SUPT3H: variants seen among roughly 807,000 people sequenced by gnomAD.
SUPT3H encodes SPT3 homolog, SAGA and STAGA complex component, also known as transcription initiation protein SPT3 homolog.
A neutral mutation model predicts 44.3 loss-of-function variants in SUPT3H; 44 were observed. That is an observed-to-expected ratio of 0.99 (90% CI 0.78 to 1.28). The LOEUF (loss-of-function observed/expected upper bound fraction) is 1.28, where lower values mean the gene tolerates loss of function less well. Ranked by LOEUF, SUPT3H falls within the 50% of genes most tolerant of loss-of-function variation. The probability of loss-of-function intolerance (pLI) is 0.00; values close to 1 mark genes in which losing one functional copy is unlikely to be tolerated. For synonymous variants in SUPT3H, 124 were observed against 125.6 expected (o/e 0.99, Z 0.09); for missense variants, 380 against 387.1 (o/e 0.98, Z 0.15).
At chr6:45,368,984 T>C (rs1368842458) in intron 1 of SUPT3H, among the ~76,000 whole-genome samples, 3 of 146,856 alleles carry the variant, frequency 2.0e-5, no homozygotes, top group Non-Finnish European at 4.5e-5. Flanking sequence ...TAATACCAAA[T>C]GGTCAATCAC....
chr6:45,294,094 A>G (rs1168812579), intron 2 of SUPT3H, among the ~76,000 whole-genome samples: 1 of 152,222 alleles, frequency 6.6e-6, no homozygotes, highest in Non-Finnish European at 1.5e-5. Context: ...TTAACAAAAT[A>G]CTTGCTAACC....
intron 2 of SUPT3H, among the ~76,000 whole-genome samples, chr6:45,114,091 A>C (rs1354521519): frequency 2.6e-5 from 4 of 151,972 alleles, no homozygotes; most frequent in African/African-American, 9.7e-5. Context: ...TGACGTAAAA[A>C]AATACAAATA....
chr6:44,997,831 T>C (rs1347541782), intron 6 of SUPT3H, among the ~76,000 whole-genome samples: 1 of 151,838 alleles, frequency 6.6e-6, no homozygotes, highest in Non-Finnish European at 1.5e-5. Context: ...TTTATTAAGA[T>C]TTTCTAAAAA....
intron 10 of SUPT3H, among the ~76,000 whole-genome samples, chr6:44,896,501 G>T (rs1054155663): frequency 1.3e-5 from 2 of 152,118 alleles, no homozygotes; most frequent in South Asian, 2.1e-4. Context: ...TATTCCACAG[G>T]GTTGTTGTGA....
At chr6:45,321,611 A>G (rs965263119) in intron 2 of SUPT3H, among the ~76,000 whole-genome samples, 1 of 152,120 alleles carries the variant, frequency 6.6e-6, no homozygotes, top group African/African-American at 2.4e-5. Flanking sequence ...CAAATATCCT[A>G]AAAGTGAACT....
intron 2 of SUPT3H, among the ~76,000 whole-genome samples, chr6:45,290,378 G>A (rs184795536): frequency 6.8e-6 from 1 of 148,074 alleles, no homozygotes; most frequent in East Asian, 2.1e-4. Flanking sequence ...TACATTTGTA[G>A]TACTCCAGTC....
rs80087171 is a variant in SUPT3H, at chr6:45,073,060, C to T, written c.186+32862G>A. On this transcript the variant is annotated intron_variant, in intron 3 of 10. Transcript: ENST00000371459. Reference sequence around the variant, plus strand: ...TGAATTTGAAAGAAATGACTTTCTCCGTTAAAGTCTATTTCTCATCTCTTA... The same window carrying T: ...TGAATTTGAAAGAAATGACTTTCTCTGTTAAAGTCTATTTCTCATCTCTTA... 0.012 allele frequency among the ~76,000 whole-genome samples: 1,842 copies of T among 152,152 alleles called. 98 individuals carry two copies. In the East Asian group the frequency reaches 0.13, roughly 11 times the overall value.
chr6:45,309,200 C>T (rs1194036287), intron 2 of SUPT3H, among the ~76,000 whole-genome samples: 1 of 146,772 alleles, frequency 6.8e-6, no homozygotes, highest in Admixed American at 6.8e-5. Flanking sequence ...CAGTGCCTGA[C>T]CACAAAGAAA....
At chr6:44,938,149 G>T (rs202111632) in intron 9 of SUPT3H, among the ~76,000 whole-genome samples, 1 of 150,908 alleles carries the variant, frequency 6.6e-6, no homozygotes, top group Non-Finnish European at 1.5e-5. Context: ...TCTTCACCTA[G>T]ACCAATGTCC....
chr6:44,862,561 C>T (rs1238435325), intron 10 of SUPT3H, among the ~76,000 whole-genome samples: 1 of 151,524 alleles, frequency 6.6e-6, no homozygotes, highest in Non-Finnish European at 1.5e-5. Context: ...CCTGTAACCC[C>T]AGCTACTTGG....
At chr6:45,076,562 A>G (rs1380488346) in intron 3 of SUPT3H, among the ~76,000 whole-genome samples, 4 of 152,078 alleles carry the variant, frequency 2.6e-5, no homozygotes, top group African/African-American at 7.2e-5. Context: ...AGGCTCTTCC[A>G]AACTTTAGTC....
At chr6:45,325,638 A>G (rs1786225744) in intron 2 of SUPT3H, among the ~76,000 whole-genome samples, 1 of 148,396 alleles carries the variant, frequency 6.7e-6, no homozygotes, top group Non-Finnish European at 1.5e-5. Flanking sequence ...TGGGTCTTTA[A>G]AAAGCAAAAA....
intron 10 of SUPT3H, among the ~76,000 whole-genome samples, chr6:44,843,643 A>G (rs562103147): frequency 1.3e-5 from 2 of 152,244 alleles, no homozygotes; most frequent in Admixed American, 6.5e-5. Flanking sequence ...TAAAAACATA[A>G]TATTAATTAG....
At chr6:45,208,194 T>G (rs1156771115) in intron 2 of SUPT3H, among the ~76,000 whole-genome samples, 5 of 152,172 alleles carry the variant, frequency 3.3e-5, no homozygotes, top group African/African-American at 9.6e-5. Context: ...AACATTCCCA[T>G]AAGCCAAAGC....
chr6:45,355,057 C>T (rs1255562121), intron 2 of SUPT3H, among the ~76,000 whole-genome samples: 2 of 151,884 alleles, frequency 1.3e-5, no homozygotes, highest in African/African-American at 4.8e-5. Context: ...TCACTGCAGA[C>T]TCAACCACTT....
intron 2 of SUPT3H, among the ~76,000 whole-genome samples, chr6:45,164,968 G>C (rs1456330049): frequency 6.6e-6 from 1 of 152,070 alleles, no homozygotes; most frequent in African/African-American, 2.4e-5. Flanking sequence ...GGCAAAGTTT[G>C]ATTGCATAGG....
rs145826235 is a variant in SUPT3H at position 45,175,268 on chromosome 6, G to A, written c.102-69262C>T. ...CTCACACTGCTACAAAAAACTGCCC[G>A]AGACTGAGTAATTTACAAAGGAAAG... On this transcript the variant is annotated intron_variant, in intron 2 of 10. Coordinates refer to ENST00000371459, the MANE Select transcript of SUPT3H (RefSeq NM_003599.4). 1.1e-4 allele frequency among the ~76,000 whole-genome samples: 17 copies of A among 152,110 alleles called. No individual in the cohort carries two copies. The South Asian group carries it at 1.9e-3, about 17-fold the overall frequency.
chr6:45,277,495 A>G (rs1332230132), intron 2 of SUPT3H, among the ~76,000 whole-genome samples: 1 of 152,162 alleles, frequency 6.6e-6, no homozygotes, highest in Non-Finnish European at 1.5e-5. Flanking sequence ...TACTAGCCAT[A>G]AACTTTCCAC....
intron 2 of SUPT3H, among the ~76,000 whole-genome samples, chr6:45,190,501 A>T (rs1372501409): frequency 6.6e-6 from 1 of 152,114 alleles, no homozygotes; most frequent in Non-Finnish European, 1.5e-5. Context: ...CTTATGTGAA[A>T]AAAAAATGAT....
Sources: gnomAD v4.1 joint callset for allele counts (sites outside exome capture counted in the v4.1 genomes callset) on GRCh38, gnomAD v4.1.1 for gene constraint, MANE v1.5 for transcripts, NCBI Gene and HGNC (gene_info 2026-07-23, HGNC 2026-07-21) for gene names.